Variants in ACAP2 observed in about 807,000 individuals in gnomAD.
ACAP2 encodes the protein ArfGAP with coiled-coil, ankyrin repeat and PH domains 2.
In ACAP2, 39 loss-of-function variants were observed where a neutral mutation model predicts 115.8. The observed-to-expected ratio is 0.34, with a 90% confidence interval of 0.26 to 0.44. ACAP2 has a LOEUF of 0.44. ACAP2 is among the 20% of genes least tolerant of loss of function. The probability of loss-of-function intolerance (pLI) is 1.00; values close to 1 mark genes in which losing one functional copy is unlikely to be tolerated. For missense variants in ACAP2, 662 were observed against 927.6 expected (o/e 0.71, Z 3.72); for synonymous variants, 289 against 315.8 (o/e 0.92, Z 0.90).
chr3:195,369,821 G>A (rs1224113024), intron 4 of ACAP2, among the ~76,000 whole-genome samples: 2 of 152,140 alleles, frequency 1.3e-5, no homozygotes, highest in Admixed American at 6.5e-5. Context: ...TTCGGTCTTT[G>A]AGAAATCACC....
intron 4 of ACAP2, among the ~76,000 whole-genome samples, chr3:195,372,017 C>G (rs2108729675): frequency 6.6e-6 from 1 of 152,242 alleles, no homozygotes. Context: ...TTTAAGAAAG[C>G]AGAATTACAT....
At chr3:195,321,073 T>C (rs563410759) in intron 9 of ACAP2, among the ~76,000 whole-genome samples, 1 of 152,180 alleles carries the variant, frequency 6.6e-6, no homozygotes, top group South Asian at 2.1e-4. Context: ...ATATAGAATA[T>C]AGTGCAAAAC....
chr3:195,379,905 A>G (rs1733835032), intron 4 of ACAP2, among the ~76,000 whole-genome samples: 2 of 152,232 alleles, frequency 1.3e-5, no homozygotes, highest in Non-Finnish European at 2.9e-5. Flanking sequence ...ATGAGTCATT[A>G]GGGAAATGCA....
At chr3:195,408,865 T>C (rs1055724791) in intron 1 of ACAP2, among the ~76,000 whole-genome samples, 13 of 152,186 alleles carry the variant, frequency 8.5e-5, no homozygotes, top group African/African-American at 2.7e-4. Flanking sequence ...ATCATCTCCA[T>C]TGATGCATAA....
At chr3:195,387,799 C>G (rs894055513) in intron 2 of ACAP2, among the ~76,000 whole-genome samples, 1 of 152,238 alleles carries the variant, frequency 6.6e-6, no homozygotes, top group Non-Finnish European at 1.5e-5. Flanking sequence ...AAGGAGCTAA[C>G]AGTCTGTTGA....
intron 1 of ACAP2, among the ~76,000 whole-genome samples, chr3:195,407,200 T>TA (rs10576564): frequency 4.3e-4 from 62 of 143,072 alleles, no homozygotes; most frequent in Non-Finnish European, 6.3e-4. Flanking sequence ...ATTTTTAGTT[T>TA]AAAAAAAAAA....
Position 195,301,628 on chromosome 3 carries a change from A to G in ACAP2, c.1342T>C (p.Phe448Leu). The change falls in exon 15 of 23, where the codon TTT becomes CTT. Residue 448 changes from phenylalanine to leucine, a missense_variant. By Grantham distance (22) the Phe-to-Leu change is conservative. Around this residue, in one of 3 missense-constraint regions of ACAP2, gnomAD observed 401 missense variants for 604.4 expected, o/e 0.66. Transcript: ENST00000326793. ...SGIHRSLGVH[F>L]SKVRSLTLDT... ...AAAGTTAAAGATCGTACTTTTGAAA[A>G]ATGAACCCCAAGGCTCCTAAGTGGA... is the stretch of plus-strand genomic sequence containing the variant. 1 of 1,613,520 alleles carries G rather than the reference A, an allele frequency of 6.2e-7. No homozygotes were observed. The highest frequency in any genetic ancestry group is 8.5e-7 in the Non-Finnish European group (1 of 1,179,888).
chr3:195,292,861 G>A (rs1321563686), intron 18 of ACAP2, among the ~76,000 whole-genome samples: 1 of 144,736 alleles, frequency 6.9e-6, no homozygotes, highest in Non-Finnish European at 1.5e-5. Context: ...GGCAGAGGTT[G>A]CAGTGAGCTG....
rs1290392906 is a variant in ACAP2 at position 195,294,612 on chromosome 3, T to A, written c.1765+107A>T. 6.4e-3 allele frequency: 337 copies of A among 52,852 alleles called. 1 individual carries two copies. Among genetic ancestry groups the A allele is most frequent in the South Asian group, 0.014 (23 of 1,644 alleles). 3.3% of individuals were successfully genotyped at this position (52,852 alleles called of 1,614,324 possible). On this transcript the variant is annotated intron_variant, in intron 18 of 22. Coordinates refer to ENST00000326793, the MANE Select transcript of ACAP2 (RefSeq NM_012287.6). ...AAGAAGAAAAAAAAAAAAAAAATTA[T>A]ATATATATATATATATATAATTTTT...
chr3:195,378,666 G>A (rs77407620), intron 4 of ACAP2, among the ~76,000 whole-genome samples: 3,268 of 152,130 alleles, frequency 0.021, 114 homozygotes, highest in East Asian at 0.1. Flanking sequence ...TTTGAGACCA[G>A]CCTAGCCACC....
Position 195,442,850 on chromosome 3 carries a change from T to C in ACAP2, c.-3A>G, listed in dbSNP as rs757176626. On this transcript the variant is annotated 5_prime_UTR_variant, in exon 1 of 23. Transcript: ENST00000326793. ...TCGAAATCCACAGTCATCTTCATCC[T>C]GCCTCCGCCTCGCAGGCGGCGCTGG... is the stretch of plus-strand genomic sequence containing the variant. 12 of 1,515,914 alleles carry C rather than the reference T, an allele frequency of 7.9e-6. No individual in the cohort carries two copies. Among genetic ancestry groups the C allele is most frequent in the South Asian group, 2.5e-5 (2 of 80,434 alleles). The allele number at this position is 1,515,914 out of a possible 1,614,324, so 93.9% of individuals were successfully genotyped here. A position where few individuals can be genotyped will look rare whatever the true frequency, so the allele number is the denominator to read the frequency against.
chr3:195,350,365 A>G (rs1373440032), intron 4 of ACAP2, among the ~76,000 whole-genome samples: 2 of 152,234 alleles, frequency 1.3e-5, no homozygotes, highest in African/African-American at 4.8e-5. Flanking sequence ...GGTACTGTAT[A>G]AAGACAGGTA....
At chr3:195,285,402 TG>T (rs1316441197) in intron 22 of ACAP2, 1 of 161,278 alleles carries the variant, frequency 6.2e-6, no homozygotes, top group Non-Finnish European at 1.3e-5. Flanking sequence ...TATATTCACT[TG>T]ACAGCTAAAA....
chr3:195,404,579 G>A (rs1286761152), intron 1 of ACAP2, among the ~76,000 whole-genome samples: 1 of 151,736 alleles, frequency 6.6e-6, no homozygotes, highest in East Asian at 1.9e-4. Context: ...ATTCCGCGAA[G>A]CTAAATGTAA....
intron 4 of ACAP2, among the ~76,000 whole-genome samples, chr3:195,379,858 C>CA (rs1283125029): frequency 1.3e-5 from 2 of 151,952 alleles, no homozygotes; most frequent in Non-Finnish European, 2.9e-5. Flanking sequence ...AGAAGATACA[C>CA]AAAAAACCAG....
chr3:195,281,172 G>A (rs1487212711), intron 22 of ACAP2, among the ~76,000 whole-genome samples: 8 of 152,178 alleles, frequency 5.3e-5, no homozygotes, highest in South Asian at 4.1e-4. Context: ...TTGAGAGGCC[G>A]AGACGGGCGG....
rs1577223390 is a variant in ACAP2 at position 195,279,189 on chromosome 3, T to C, written c.*139A>G. ...ATAACTATGTTTTAATTTATAAATA[T>C]ATGAATGGGTACCTCTTTTCCAAGC... On this transcript the variant is annotated 3_prime_UTR_variant, in exon 23 of 23. Coordinates refer to ENST00000326793, the MANE Select transcript of ACAP2 (RefSeq NM_012287.6). The C allele has an allele frequency of 1.4e-5, 8 of 566,046 alleles. No homozygotes were observed. The highest frequency in any genetic ancestry group is 2.1e-5 in the Non-Finnish European group (7 of 326,066). 35.1% of individuals were successfully genotyped at this position (566,046 alleles called of 1,614,324 possible). A position where few individuals can be genotyped will look rare whatever the true frequency, so the allele number is the denominator to read the frequency against.
intron 4 of ACAP2, among the ~76,000 whole-genome samples, chr3:195,355,278 CTTCTT>C: frequency 1.3e-5 from 1 of 78,732 alleles, no homozygotes; most frequent in Non-Finnish European, 2.2e-5. Context: ...TTTTCTTTTT[CTTCTT>C]TTTTTTTTTT....
intron 4 of ACAP2, among the ~76,000 whole-genome samples, chr3:195,370,659 T>C (rs1019890362): frequency 6.6e-6 from 1 of 152,162 alleles, no homozygotes; most frequent in African/African-American, 2.4e-5. Flanking sequence ...GTAGCATAGT[T>C]TGAAGTCTGG....
Sources: allele counts gnomAD v4.1 joint callset (sites outside exome capture counted in the v4.1 genomes callset), GRCh38; gene constraint gnomAD v4.1.1; regional missense constraint gnomAD v4.1.1; transcripts MANE v1.5; gene names NCBI Gene and HGNC (gene_info 2026-07-23, HGNC 2026-07-21).